The following SPECC1 variants were observed in gnomAD, a reference collection of about 807,000 sequenced individuals.
SPECC1 encodes the protein sperm antigen with calponin homology and coiled-coil domains 1.
Under a neutral mutation model 104.1 loss-of-function variants are expected in SPECC1, and 62 were observed. That is an observed-to-expected ratio of 0.60 (90% CI 0.49 to 0.74). SPECC1 has a LOEUF of 0.74. SPECC1 is among the 30% of genes least tolerant of loss of function. The pLI, the probability that SPECC1 is intolerant of heterozygous loss-of-function variation, is 0.00. For synonymous variants in SPECC1, 513 were observed against 501.6 expected (o/e 1.02, Z -0.30); for missense variants, 1,306 against 1,310.5 (o/e 1.00, Z 0.05).
intron 1 of SPECC1, among the ~76,000 whole-genome samples, chr17:20,043,232 T>C (rs2045405499): frequency 6.6e-6 from 1 of 152,216 alleles, no homozygotes; most frequent in African/African-American, 2.4e-5. Flanking sequence ...CATAGTGTTG[T>C]GGGGCCTGGC....
chr17:20,069,872 A>G (rs1334693552), intron 1 of SPECC1, among the ~76,000 whole-genome samples: 1 of 152,022 alleles, frequency 6.6e-6, no homozygotes, highest in Non-Finnish European at 1.5e-5. Context: ...ATTCTTTTTG[A>G]TACTACTATA....
At chr17:20,238,682 G>A (rs911846549) in intron 7 of SPECC1, 22 of 1,038,966 alleles carry the variant, frequency 2.1e-5, no homozygotes, top group East Asian at 5.9e-5. Flanking sequence ...TATATTTTGG[G>A]CACTCTTTAC....
chr17:20,021,674 T>TATAA (rs1555590498), intron 1 of SPECC1, among the ~76,000 whole-genome samples: 7 of 141,836 alleles, frequency 4.9e-5, no homozygotes, highest in Non-Finnish European at 9.1e-5. Flanking sequence ...TATATATATA[T>TATAA]AATATAATAA....
chr17:20,176,062 C>T (rs1022982748), intron 3 of SPECC1, among the ~76,000 whole-genome samples: 1 of 152,102 alleles, frequency 6.6e-6, no homozygotes, highest in Non-Finnish European at 1.5e-5. Flanking sequence ...TTTTTTTCTT[C>T]ATGCTTTCTG....
chr17:20,052,777 C>G (rs1468237963), intron 1 of SPECC1, among the ~76,000 whole-genome samples: 1 of 152,162 alleles, frequency 6.6e-6, no homozygotes, highest in African/African-American at 2.4e-5. Flanking sequence ...ATGCTGAAAC[C>G]TGGAACAGGC....
chr17:20,086,196 G>A (rs1216221550), intron 1 of SPECC1, among the ~76,000 whole-genome samples: 1 of 152,206 alleles, frequency 6.6e-6, no homozygotes, highest in Non-Finnish European at 1.5e-5. Context: ...GTGCCATAGT[G>A]CCAAGTCTTC....
chr17:20,056,606 G>T, intron 1 of SPECC1: 1 of 194,082 alleles, frequency 5.2e-6, no homozygotes. Context: ...TGTCATAGAG[G>T]TTTCCTAAGA....
intron 1 of SPECC1, among the ~76,000 whole-genome samples, chr17:20,013,288 C>T (rs906301032): frequency 5.3e-5 from 8 of 152,138 alleles, no homozygotes; most frequent in African/African-American, 7.2e-5. Flanking sequence ...TAGTGTTTTC[C>T]GCAGAGGCTG....
intron 14 of SPECC1, among the ~76,000 whole-genome samples, chr17:20,309,374 AT>A (rs774189667): frequency 2.6e-5 from 4 of 152,172 alleles, no homozygotes; most frequent in Non-Finnish European, 4.4e-5. Context: ...GGGGTATAAC[AT>A]ATTAGGATGA....
intron 1 of SPECC1, among the ~76,000 whole-genome samples, chr17:20,091,869 C>T (rs1166390031): frequency 6.6e-6 from 1 of 152,146 alleles, no homozygotes; most frequent in African/African-American, 2.4e-5. Context: ...TCCCAGTTGC[C>T]TTTCTATTTC....
chr17:20,132,999 G>C (rs1157706134), intron 3 of SPECC1, among the ~76,000 whole-genome samples: 1 of 152,054 alleles, frequency 6.6e-6, no homozygotes, highest in South Asian at 2.1e-4. Context: ...TCGGCCTCCC[G>C]AAGTTCTGGG....
intron 3 of SPECC1, among the ~76,000 whole-genome samples, chr17:20,160,845 A>G (rs1444665310): frequency 6.6e-6 from 1 of 152,104 alleles, no homozygotes; most frequent in African/African-American, 2.4e-5. Context: ...AATTAAGCAC[A>G]TTTTCCCTGC....
chr17:20,185,328 T>A (rs1257698620), intron 3 of SPECC1: 3 of 152,320 alleles, frequency 2.0e-5, no homozygotes, highest in Admixed American at 2.0e-4. Flanking sequence ...CTCTGACTGC[T>A]GAGGCTAAAT....
chr17:20,185,894 A>G (rs915167288), intron 3 of SPECC1, among the ~76,000 whole-genome samples: 1 of 152,116 alleles, frequency 6.6e-6, no homozygotes, highest in Non-Finnish European at 1.5e-5. Context: ...CTGGAGTGCA[A>G]TGGCACGATC....
At chr17:20,288,402 C>G (rs1409758516) in intron 12 of SPECC1, among the ~76,000 whole-genome samples, 1 of 151,844 alleles carries the variant, frequency 6.6e-6, no homozygotes, top group East Asian at 1.9e-4. Context: ...AAACAACATC[C>G]CCATTAAAAA....
intron 12 of SPECC1, among the ~76,000 whole-genome samples, chr17:20,276,530 C>G (rs2040582187): frequency 6.6e-6 from 1 of 152,164 alleles, no homozygotes. Flanking sequence ...TTAGCCTGTT[C>G]ACATTTTCTT....
In SPECC1 at chr17:20,110,504, G is replaced by C. The variant is rs1292404755; in HGVS notation, c.225G>C (p.Lys75Asn). ...CATCGGGGGTGGTTCGCCTGAAGAA[G>C]ACCGCCACTGCCGGAGCCATCTCGG... ...TAASGVVRLK[K>N]TATAGAISEL... The change falls in exon 3 of 15, where the codon AAG (lysine) becomes AAC (asparagine). Residue 75 changes from lysine (K) to asparagine (N), a missense_variant. Around this residue, in one of 2 missense-constraint regions of SPECC1, gnomAD observed 1,177 missense variants for 1,139.9 expected, o/e 1.03. Coordinates refer to ENST00000395527, the MANE Select transcript of SPECC1 (RefSeq NM_001243439.2). 5 of 1,613,608 alleles carry C rather than the reference G, an allele frequency of 3.1e-6. No homozygotes were observed. In the African/African-American group the frequency reaches 6.7e-5, roughly 22 times the overall value.
At chr17:20,241,098 A>C (rs2039180280) in intron 7 of SPECC1, among the ~76,000 whole-genome samples, 1 of 152,210 alleles carries the variant, frequency 6.6e-6, no homozygotes, top group Non-Finnish European at 1.5e-5. Flanking sequence ...CTCATGACTT[A>C]AACGTGTTGG....
intron 3 of SPECC1, chr17:20,156,121 G>A (rs1032833992): frequency 2.2e-6 from 3 of 1,376,326 alleles, no homozygotes; most frequent in African/African-American, 3.1e-5. Context: ...CTCGCCAGCC[G>A]GAGCCAGCGC....
Sources: gnomAD v4.1 joint callset for allele counts (sites outside exome capture counted in the v4.1 genomes callset) on GRCh38, gnomAD v4.1.1 for gene constraint, gnomAD v4.1.1 regional missense constraint, MANE v1.5 for transcripts, NCBI Gene and HGNC (gene_info 2026-07-23, HGNC 2026-07-21) for gene names.